ILRUN: variants seen among roughly 807,000 people sequenced by gnomAD.
The protein encoded by ILRUN is protein ILRUN.
A neutral mutation model predicts 33.8 loss-of-function variants in ILRUN; 3 were observed. The ratio of observed to expected loss-of-function variants is 0.09; its 90% confidence interval spans 0.04 to 0.23. The LOEUF is 0.23. Among genes scored for constraint, ILRUN ranks in the 10% least tolerant of loss-of-function variants. The probability of loss-of-function intolerance (pLI) is 1.00; values close to 1 mark genes in which losing one functional copy is unlikely to be tolerated. For synonymous variants in ILRUN, 124 were observed against 138.9 expected, an observed-to-expected ratio of 0.89 and a Z score of 0.75; for missense variants, 210 against 375.1, an observed-to-expected ratio of 0.56 and a Z score of 3.64.
At position 34,603,722 on chromosome 6, in the gene ILRUN, T is replaced by G. The variant is rs1761567587; in HGVS notation, c.861+2833A>C. Among the ~76,000 whole-genome samples, 5 of 152,236 alleles carry G rather than the reference T, an allele frequency of 3.3e-5. No homozygotes were observed. In the South Asian group the frequency reaches 1.0e-3, roughly 31 times the overall value. ...TGCTCTCTATTGAGCAAATTCATACTTCATTTTGACTGAACTGCTCTCTAA... is the reference window on the plus strand; with the variant it reads ...TGCTCTCTATTGAGCAAATTCATACGTCATTTTGACTGAACTGCTCTCTAA... On this transcript the variant is annotated intron_variant, in intron 4 of 4. Transcript: ENST00000374023.
At chr6:34,664,585 CT>C (rs1562024044) in intron 1 of ILRUN, among the ~76,000 whole-genome samples, 2 of 152,204 alleles carry the variant, frequency 1.3e-5, no homozygotes, top group Non-Finnish European at 1.5e-5. Flanking sequence ...TTGTTGCCCC[CT>C]GAATTAAACT....
At position 34,666,463 on chromosome 6, in the gene ILRUN, C is replaced by T. The variant is rs575239542; in HGVS notation, c.159-11684G>A. On this transcript the variant is annotated intron_variant, in intron 1 of 4. Transcript: ENST00000374023. ...GTAATCCCAGTTACTCGCGAGGCTG[C>T]GGCAGGAGAATCGCTTGAACCCGGG... Among the ~76,000 whole-genome samples the T allele has an allele frequency of 6.6e-5, 10 of 152,076 alleles. No homozygotes were observed. In the South Asian group the frequency reaches 1.0e-3, roughly 16 times the overall value.
At chr6:34,625,303 T>C (rs771271183) in intron 3 of ILRUN, among the ~76,000 whole-genome samples, 2 of 152,192 alleles carry the variant, frequency 1.3e-5, no homozygotes, top group African/African-American at 2.4e-5. Flanking sequence ...GCCAAGGTAT[T>C]TTCCTAGCTC....
At chr6:34,653,350 C>A (rs1165879968) in intron 2 of ILRUN, among the ~76,000 whole-genome samples, 1 of 151,930 alleles carries the variant, frequency 6.6e-6, no homozygotes, top group Non-Finnish European at 1.5e-5. Flanking sequence ...CCTGCCTCAG[C>A]CTCCCAAGTA....
chr6:34,668,391 T>C (rs1166589202), intron 1 of ILRUN, among the ~76,000 whole-genome samples: 1 of 152,160 alleles, frequency 6.6e-6, no homozygotes, highest in Non-Finnish European at 1.5e-5. Flanking sequence ...TATATTGATA[T>C]AATGATCTGT....
At chr6:34,616,032 C>T (rs1761885175) in intron 3 of ILRUN, among the ~76,000 whole-genome samples, 1 of 152,202 alleles carries the variant, frequency 6.6e-6, no homozygotes, top group Admixed American at 6.5e-5. Context: ...TGGTTCTGGG[C>T]TTCCCAAGGG....
In ILRUN at chr6:34,682,273, T is replaced by G. The variant is rs1168015388; in HGVS notation, c.158+14173A>C. ...TCTGTTTTTTTTTTTTTTTTTTTTT[T>G]TTTTGAGACAGTCTCGCTCTGTCGC... On this transcript the variant is annotated intron_variant, in intron 1 of 4. Coordinates refer to ENST00000374023, the MANE Select transcript of ILRUN (RefSeq NM_024294.4). 9.1e-4 allele frequency among the ~76,000 whole-genome samples: 130 copies of G among 142,750 alleles called. 1 individual carries two copies. Among genetic ancestry groups the G allele is most frequent in the Admixed American group, 2.2e-3 (32 of 14,420 alleles). 93.6% of individuals were successfully genotyped at this position (142,750 alleles called of 152,430 possible). A position where few individuals can be genotyped will look rare whatever the true frequency, so the allele number is the denominator to read the frequency against.
intron 3 of ILRUN, among the ~76,000 whole-genome samples, chr6:34,636,688 C>T (rs1233909266): frequency 6.6e-6 from 1 of 152,192 alleles, no homozygotes; most frequent in Non-Finnish European, 1.5e-5. Flanking sequence ...AAGCCCTCTA[C>T]ACTGTTTAAG....
chr6:34,593,047 C>A (rs1032442124), intron 4 of ILRUN, among the ~76,000 whole-genome samples: 1 of 151,844 alleles, frequency 6.6e-6, no homozygotes, highest in East Asian at 1.9e-4. Flanking sequence ...GACATGGCGA[C>A]GCATGGCTGT....
intron 1 of ILRUN, among the ~76,000 whole-genome samples, chr6:34,689,765 C>T (rs573307475): frequency 2.0e-5 from 3 of 151,186 alleles, no homozygotes; most frequent in Admixed American, 6.6e-5. Context: ...GTGGTTATAT[C>T]TTTATCTAGT....
At chr6:34,614,507 A>T (rs894863132) in intron 3 of ILRUN, among the ~76,000 whole-genome samples, 4 of 146,206 alleles carry the variant, frequency 2.7e-5, no homozygotes, top group African/African-American at 1.0e-4. Flanking sequence ...TATATTTTAT[A>T]TATATATATA....
chr6:34,694,427 G>A (rs186289625), intron 1 of ILRUN, among the ~76,000 whole-genome samples: 2 of 152,280 alleles, frequency 1.3e-5, no homozygotes, highest in East Asian at 3.9e-4. Flanking sequence ...CCAGAGGTGG[G>A]AAGCAGTCAG....
intron 1 of ILRUN, chr6:34,685,408 T>C (rs1208462958): frequency 6.6e-6 from 1 of 152,198 alleles, no homozygotes; most frequent in Non-Finnish European, 1.5e-5. Flanking sequence ...GTAATCCCAC[T>C]ACTGATCAGC....
chr6:34,669,115 G>A (rs1763063462), intron 1 of ILRUN, among the ~76,000 whole-genome samples: 1 of 151,868 alleles, frequency 6.6e-6, no homozygotes, highest in Non-Finnish European at 1.5e-5. Context: ...AAAGTGCTGG[G>A]ATTACAAGCA....
intron 1 of ILRUN, among the ~76,000 whole-genome samples, chr6:34,656,431 A>G (rs1196223198): frequency 6.6e-6 from 1 of 152,170 alleles, no homozygotes; most frequent in Non-Finnish European, 1.5e-5. Flanking sequence ...ACCAAGGGCC[A>G]CTAAAGGGTT....
intron 4 of ILRUN, chr6:34,596,074 A>G (rs552508370): frequency 4.7e-4 from 114 of 244,032 alleles, no homozygotes; most frequent in African/African-American, 2.6e-3. Flanking sequence ...GAAACTGACT[A>G]GGACCTGATC....
intron 4 of ILRUN, among the ~76,000 whole-genome samples, chr6:34,599,398 T>G (rs529608255): frequency 6.6e-6 from 1 of 152,208 alleles, no homozygotes; most frequent in Admixed American, 6.5e-5. Flanking sequence ...AGTGGGGGAA[T>G]TTTGCCCCCC....
At chr6:34,597,128 T>C (rs1042997244) in intron 4 of ILRUN, among the ~76,000 whole-genome samples, 5 of 152,124 alleles carry the variant, frequency 3.3e-5, no homozygotes, top group Non-Finnish European at 5.9e-5. Context: ...TTAAAAACCA[T>C]GAAGAATAAA....
intron 3 of ILRUN, among the ~76,000 whole-genome samples, chr6:34,630,773 C>T (rs930098776): frequency 3.3e-5 from 5 of 152,156 alleles, no homozygotes; most frequent in African/African-American, 1.2e-4. Flanking sequence ...CCTCAGCCTC[C>T]CAAATAACTG....
Sources: allele counts gnomAD v4.1 joint callset (sites outside exome capture counted in the v4.1 genomes callset), GRCh38; gene constraint gnomAD v4.1.1; transcripts MANE v1.5; gene names NCBI Gene and HGNC (gene_info 2026-07-23, HGNC 2026-07-21).